MICU1: variants seen among roughly 807,000 people sequenced by gnomAD.
MICU1 encodes mitochondrial calcium uptake 1.
A neutral mutation model predicts 56.8 loss-of-function variants in MICU1; 45 were observed. The ratio of observed to expected loss-of-function variants is 0.79; its 90% CI spans 0.62 to 1.02. MICU1 has a LOEUF of 1.02. Ranked by LOEUF, MICU1 falls within the 50% of genes least tolerant of loss-of-function variation. The pLI is 0.00. For missense variants in MICU1, 504 were observed against 587.1 expected (o/e 0.86, Z 1.46); for synonymous variants, 186 against 195.1 (o/e 0.95, Z 0.39).
intron 5 of MICU1, among the ~76,000 whole-genome samples, chr10:72,514,417 T>C (rs537638089): frequency 1.3e-5 from 2 of 152,258 alleles, no homozygotes; most frequent in East Asian, 3.9e-4. Flanking sequence ...AAACTGGACA[T>C]TTTGTATATT....
Position 72,551,251 on chromosome 10 carries a change from C to A in MICU1, c.421G>T (p.Gly141Cys). 1 of 1,613,176 alleles carries A rather than the reference C, an allele frequency of 6.2e-7. No homozygotes were observed. Among genetic ancestry groups the A allele is most frequent in the East Asian group, 2.2e-5 (1 of 44,830 alleles). Residue 141 changes from glycine to cysteine, a missense_variant, in exon 4 of 12, where the codon GGT becomes TGT. Transcript: ENST00000361114. ...GGTGTCATAAACACTTCTGCTTCAC[C>A]AGGCTCACTGATGACTTTCAAGGTG... ...FATLKVISEP[G>C]EAEVFMTPED...
intron 4 of MICU1, among the ~76,000 whole-genome samples, chr10:72,534,568 T>C (rs923229890): frequency 6.6e-6 from 1 of 152,216 alleles, no homozygotes; most frequent in African/African-American, 2.4e-5. Flanking sequence ...TGTGGGAGTT[T>C]TGAGGGTGGA....
chr10:72,407,901 C>CA (rs775245534), intron 10 of MICU1, 28 bp downstream of exon 10: 2 of 1,542,422 alleles, frequency 1.3e-6, no homozygotes, highest in South Asian at 1.1e-5. Context: ...TTCATACCTT[C>CA]AAAAAAACAC....
intron 5 of MICU1, chr10:72,509,299 G>T: frequency 1.1e-6 from 1 of 947,280 alleles, no homozygotes; most frequent in Non-Finnish European, 1.5e-6. Flanking sequence ...AAAGTAAGAG[G>T]CAGCATTGCA....
intron 1 of MICU1, among the ~76,000 whole-genome samples, chr10:72,608,122 G>GC (rs1403147114): frequency 1.3e-5 from 2 of 152,068 alleles, no homozygotes; most frequent in Non-Finnish European, 2.9e-5. Context: ...AAGCTGGAGT[G>GC]CAGTGGTGTG....
intron 1 of MICU1, among the ~76,000 whole-genome samples, chr10:72,621,666 G>A (rs1468249516): frequency 6.6e-6 from 1 of 151,770 alleles, no homozygotes; most frequent in Non-Finnish European, 1.5e-5. Context: ...TTCACCCAAA[G>A]CAATAAAAAT....
chr10:72,562,792 A>C (rs1840332550), intron 3 of MICU1, 103 bp downstream of exon 3: 1 of 1,010,084 alleles, frequency 9.9e-7, no homozygotes. Flanking sequence ...TGATAACTTG[A>C]AAGTGAAGAT....
intron 11 of MICU1, among the ~76,000 whole-genome samples, chr10:72,369,205 C>T (rs1461284187): frequency 6.6e-6 from 1 of 151,718 alleles, no homozygotes; most frequent in Non-Finnish European, 1.5e-5. Flanking sequence ...TTGATTACCA[C>T]CCGGTGATTG....
intron 5 of MICU1, chr10:72,523,667 C>A: frequency 1.9e-6 from 1 of 531,920 alleles, no homozygotes; most frequent in Non-Finnish European, 2.9e-6. Flanking sequence ...TTAATTACTA[C>A]AACTCAGTTT....
At chr10:72,513,220 CTCT>C (rs1186456604) in intron 5 of MICU1, among the ~76,000 whole-genome samples, 3 of 152,262 alleles carry the variant, frequency 2.0e-5, no homozygotes, top group East Asian at 3.9e-4. Flanking sequence ...ATACTTCTTC[CTCT>C]TCTTCTTTAA....
intron 5 of MICU1, among the ~76,000 whole-genome samples, chr10:72,513,644 C>T (rs2132361417): frequency 6.6e-6 from 1 of 152,040 alleles, no homozygotes; most frequent in Middle Eastern, 3.4e-3. Context: ...GAAGATTTAC[C>T]CCTACTTTTC....
At chr10:72,557,239 C>T (rs1840181312) in intron 3 of MICU1, among the ~76,000 whole-genome samples, 1 of 152,146 alleles carries the variant, frequency 6.6e-6, no homozygotes, top group Non-Finnish European at 1.5e-5. Context: ...GTGCACCTTC[C>T]TAGTTGACAG....
intron 6 of MICU1, among the ~76,000 whole-genome samples, chr10:72,497,317 T>A (rs892126615): frequency 2.0e-5 from 3 of 151,358 alleles, no homozygotes; most frequent in African/African-American, 7.3e-5. Context: ...CTCAGCCTCC[T>A]AAAGTGCTGG....
chr10:72,395,342 G>A (rs144705109), intron 10 of MICU1, among the ~76,000 whole-genome samples: 10,880 of 152,060 alleles, frequency 0.072, 1,329 homozygotes, highest in African/African-American at 0.25. Flanking sequence ...GAACAGCTCC[G>A]GTCTGCAGCT....
intron 8 of MICU1, among the ~76,000 whole-genome samples, chr10:72,457,033 A>G (rs1865492995): frequency 6.6e-6 from 1 of 151,042 alleles, no homozygotes; most frequent in Non-Finnish European, 1.5e-5. Flanking sequence ...TATATTGCCC[A>G]GGTTGGTCTC....
chr10:72,610,717 TTC>T (rs941527821), intron 1 of MICU1, among the ~76,000 whole-genome samples: 2 of 152,170 alleles, frequency 1.3e-5, no homozygotes, highest in African/African-American at 4.8e-5. Context: ...TCCTCCCACC[TTC>T]TGTCTTTGCC....
chr10:72,419,235 A>G (rs1308668974), intron 9 of MICU1, among the ~76,000 whole-genome samples: 1 of 152,236 alleles, frequency 6.6e-6, no homozygotes, highest in African/African-American at 2.4e-5. Flanking sequence ...TGTAAACACT[A>G]TTCTTCCAGC....
At chr10:72,443,454 G>C (rs1205079155) in intron 8 of MICU1, among the ~76,000 whole-genome samples, 1 of 152,204 alleles carries the variant, frequency 6.6e-6, no homozygotes, top group African/African-American at 2.4e-5. Context: ...CCGTGCCTAT[G>C]TCCTGAATGG....
chr10:72,561,078 A>T (rs917944796), intron 3 of MICU1, among the ~76,000 whole-genome samples: 1 of 152,250 alleles, frequency 6.6e-6, no homozygotes, highest in African/African-American at 2.4e-5. Flanking sequence ...ATCCTTGAAC[A>T]GGGAAAAGAT....
Sources: gnomAD v4.1 joint callset for allele counts (sites outside exome capture counted in the v4.1 genomes callset) on GRCh38, gnomAD v4.1.1 for gene constraint, MANE v1.5 for transcripts, NCBI Gene and HGNC (gene_info 2026-07-23, HGNC 2026-07-21) for gene names.